The following PPARGC1A variants were observed in gnomAD, a reference collection of about 807,000 sequenced individuals.
PPARGC1A encodes the protein peroxisome proliferator-activated receptor gamma coactivator 1-alpha.
A neutral mutation model predicts 88.7 loss-of-function variants in PPARGC1A; 25 were observed. The ratio of observed to expected loss-of-function variants is 0.28; its 90% CI spans 0.21 to 0.39. The LOEUF is 0.39. PPARGC1A is among the 10% of genes least tolerant of loss of function. PPARGC1A has a pLI of 1.00. For missense variants in PPARGC1A, 880 were observed against 968.7 expected (o/e 0.91, Z 1.22); for synonymous variants, 363 against 355.6 (o/e 1.02, Z -0.24).
rs1381885920 is a variant in PPARGC1A at position 23,873,197 on chromosome 4, C to CAAAAAAAAA, written c.234+11554_234+11555insTTTTTTTTT. On this transcript the variant is annotated intron_variant, in intron 2 of 12. Coordinates refer to ENST00000264867, the MANE Select transcript of PPARGC1A (RefSeq NM_013261.5). ...GGGGCGACAGAGCGAGACTCCGTCT[C>CAAAAAAAAA]AAAAATAAAAAATAAAAAATAAAAA... Among the ~76,000 whole-genome samples, 93 of 74,722 alleles carry CAAAAAAAAA rather than the reference C, an allele frequency of 1.2e-3. 13 individuals carry two copies. The highest frequency in any genetic ancestry group is 1.7e-3 in the Non-Finnish European group (65 of 38,934). The allele number at this position is 74,722 out of a possible 152,430, so 49.0% of individuals were successfully genotyped here.
the PPARGC1A span, among the ~76,000 whole-genome samples, chr4:24,101,181 T>C: frequency 6.6e-6 from 1 of 152,182 alleles, no homozygotes; most frequent in Non-Finnish European, 1.5e-5. Context: ...ATCCCCCTAG[T>C]GCTGTCTTGT....
chr4:24,399,479 AG>A, the PPARGC1A span, among the ~76,000 whole-genome samples: 2 of 152,222 alleles, frequency 1.3e-5, no homozygotes, highest in Admixed American at 1.3e-4. Context: ...AAAATTATTC[AG>A]CATGGAGAGG....
the PPARGC1A span, among the ~76,000 whole-genome samples, chr4:24,338,304 T>C: frequency 2.0e-5 from 3 of 152,178 alleles, no homozygotes; most frequent in Non-Finnish European, 4.4e-5. Flanking sequence ...GGCAGACACT[T>C]GTGGCCTCTT....
At chr4:24,196,168 T>G in the PPARGC1A span, among the ~76,000 whole-genome samples, 66 of 152,314 alleles carry the variant, frequency 4.3e-4, no homozygotes, top group African/African-American at 1.5e-3. Context: ...TGTACTAGTG[T>G]AGGATGGATA....
chr4:23,893,190 A>G (rs558572166), upstream of PPARGC1A, among the ~76,000 whole-genome samples: 7 of 147,218 alleles, frequency 4.8e-5, no homozygotes, highest in African/African-American at 1.5e-4. Flanking sequence ...AAAAAAAAAA[A>G]CCTCAAGAGA....
chr4:24,387,854 GAGAA>G, the PPARGC1A span, among the ~76,000 whole-genome samples: 12 of 129,840 alleles, frequency 9.2e-5, 1 homozygote, highest in African/African-American at 3.1e-4. Context: ...GAGAGAAAGA[GAGAA>G]AGAGAGAAAG....
the PPARGC1A span, among the ~76,000 whole-genome samples, chr4:24,095,115 C>CTTT: frequency 2.4e-4 from 29 of 122,394 alleles, no homozygotes; most frequent in African/African-American, 3.2e-4. Context: ...GAAATAGGGT[C>CTTT]TTTTTTTTTT....
chr4:23,938,397 T>C, the PPARGC1A span, among the ~76,000 whole-genome samples: 1 of 152,208 alleles, frequency 6.6e-6, no homozygotes, highest in Non-Finnish European at 1.5e-5. Flanking sequence ...ATTCTTTCAT[T>C]AAATGATTGC....
chr4:23,963,633 C>T, the PPARGC1A span, among the ~76,000 whole-genome samples: 46 of 152,296 alleles, frequency 3.0e-4, no homozygotes, highest in Non-Finnish European at 6.2e-4. Flanking sequence ...CATGGAGGCA[C>T]AGTTTTACCT....
the PPARGC1A span, among the ~76,000 whole-genome samples, chr4:24,127,554 C>T: frequency 5.3e-5 from 8 of 151,882 alleles, no homozygotes; most frequent in South Asian, 6.3e-4. Flanking sequence ...CACACACGTG[C>T]GCGCGTGTGG....
At chr4:24,260,050 A>AAG in the PPARGC1A span, among the ~76,000 whole-genome samples, 2 of 152,206 alleles carry the variant, frequency 1.3e-5, no homozygotes, top group African/African-American at 4.8e-5. Context: ...AATAAAGCTT[A>AAG]AGAAGCTAAT....
the PPARGC1A span, among the ~76,000 whole-genome samples, chr4:24,029,009 T>C: frequency 2.6e-5 from 4 of 152,080 alleles, no homozygotes; most frequent in Non-Finnish European, 5.9e-5. Context: ...TTCCCACAAA[T>C]AGTTAGAGAA....
chr4:24,314,152 A>G, the PPARGC1A span, among the ~76,000 whole-genome samples: 1 of 152,258 alleles, frequency 6.6e-6, no homozygotes, highest in East Asian at 1.9e-4. Flanking sequence ...ATAAATGTGT[A>G]ATATGGGATG....
At chr4:24,048,072 G>A in the PPARGC1A span, among the ~76,000 whole-genome samples, 5 of 152,204 alleles carry the variant, frequency 3.3e-5, no homozygotes, top group South Asian at 8.3e-4. Flanking sequence ...AACCTCTCAG[G>A]TGCTTAGAAG....
At chr4:24,085,575 C>T in the PPARGC1A span, among the ~76,000 whole-genome samples, 4 of 152,176 alleles carry the variant, frequency 2.6e-5, no homozygotes, top group African/African-American at 9.7e-5. Context: ...CTATTGAGAG[C>T]TGTGGAGTGG....
the PPARGC1A span, among the ~76,000 whole-genome samples, chr4:24,142,909 C>T: frequency 3.9e-4 from 59 of 149,534 alleles, no homozygotes; most frequent in African/African-American, 1.2e-3. Flanking sequence ...CTGAGCCTGG[C>T]GCATAGCTGA....
At chr4:23,924,152 T>C in the PPARGC1A span, among the ~76,000 whole-genome samples, 1 of 152,212 alleles carries the variant, frequency 6.6e-6, no homozygotes, top group Admixed American at 6.5e-5. Flanking sequence ...GCCATCAAAT[T>C]CATTGCATGT....
intron 2 of PPARGC1A, among the ~76,000 whole-genome samples, chr4:23,870,133 C>T (rs1712978547): frequency 1.3e-5 from 2 of 152,144 alleles, no homozygotes; most frequent in Admixed American, 6.5e-5. Flanking sequence ...TCTAAAACTA[C>T]GTGTTTGTGT....
the PPARGC1A span, among the ~76,000 whole-genome samples, chr4:24,262,050 C>A: frequency 1.3e-5 from 2 of 152,156 alleles, no homozygotes; most frequent in African/African-American, 2.4e-5. Context: ...TTAATATTCC[C>A]AGCGGCAGTC....
Sources: gnomAD v4.1 joint callset for allele counts (sites outside exome capture counted in the v4.1 genomes callset) on GRCh38, gnomAD v4.1.1 for gene constraint, MANE v1.5 for transcripts, NCBI Gene and HGNC (gene_info 2026-07-23, HGNC 2026-07-21) for gene names.